The following CXXC1 variants were observed in gnomAD, a reference collection of about 807,000 sequenced individuals.
CXXC1 encodes CXXC-type zinc finger protein 1.
A neutral mutation model predicts 83.6 loss-of-function variants in CXXC1; 21 were observed. The observed-to-expected ratio is 0.25, with a 90% confidence interval of 0.18 to 0.36. The LOEUF (loss-of-function observed/expected upper bound fraction) is 0.36. Among genes scored for constraint, CXXC1 ranks in the 10% least tolerant of loss-of-function variants. The pLI is 1.00. For synonymous variants in CXXC1, 371 were observed against 337.5 expected (o/e 1.10, Z -1.09); for missense variants, 688 against 919.5 (o/e 0.75, Z 3.26).
intron 13 of CXXC1, 95 bp downstream of exon 13, chr18:50,283,170 G>A: frequency 7.5e-7 from 1 of 1,332,050 alleles, no homozygotes. Flanking sequence ...AGAGGAAAAA[G>A]TGAAGGAAAA....
intron 3 of CXXC1, 111 bp from the exon 4 acceptor site, chr18:50,286,368 C>T (rs1453374654): frequency 3.5e-6 from 4 of 1,148,824 alleles, no homozygotes; most frequent in Middle Eastern, 2.0e-4. Flanking sequence ...CTACTCTGCA[C>T]CCCTGTCCAG....
chr18:50,287,230 C>CTTTTTTAATGAT, intron 1 of CXXC1: 1 of 504,344 alleles, frequency 2.0e-6, no homozygotes, highest in South Asian at 2.5e-5. Context: ...CACCCGCACC[C>CTTTTTTAATGAT]ACCCCCAGTC....
In CXXC1 at chr18:50,286,523, C is replaced by G; in HGVS notation, c.223+16G>C. 1.2e-6 allele frequency: 2 copies of G among 1,608,402 alleles called. No homozygotes were observed. Among genetic ancestry groups the G allele is most frequent in the Non-Finnish European group, 1.7e-6 (2 of 1,174,896 alleles). On this transcript the variant is annotated intron_variant, in intron 3 of 14. Coordinates refer to ENST00000285106, the MANE Select transcript of CXXC1 (RefSeq NM_014593.4). ...TGAAGCCCCACCTGCCTTCCCTGTC[C>G]ATCCATGGCCCTCACCTCTGCACTC...
intron 3 of CXXC1, 108 bp downstream of exon 3, chr18:50,286,431 T>G: frequency 1.8e-6 from 2 of 1,107,358 alleles, no homozygotes; most frequent in Non-Finnish European, 2.7e-6. Context: ...TGGAGCCCCA[T>G]TCCAGCTCAC....
chr18:50,285,645 C>T lies in CXXC1; in HGVS notation c.639+104G>A. 1.4e-6 allele frequency: 2 copies of T among 1,408,144 alleles called. No individual in the cohort carries two copies. The highest frequency in any genetic ancestry group is 2.0e-6 in the Non-Finnish European group (2 of 1,024,824). The allele number at this position is 1,408,144 out of a possible 1,614,324, so 87.2% of individuals were successfully genotyped here. A position where few individuals can be genotyped will look rare whatever the true frequency, so the allele number is the denominator to read the frequency against. ...CCCTTCCCACCTGTCAGGATACAGT[C>T]AGGCCCAATCCCACCTGGTTTATCC... On this transcript the variant is annotated intron_variant, in intron 5 of 14. Transcript: ENST00000285106. The surrounding 1 kb of genome is among the most constrained non-coding windows in gnomAD (Gnocchi z 4.4).
chr18:50,283,851 G>A (rs745993010), intron 10 of CXXC1, 36 bp from the exon 11 acceptor site: 1 of 1,613,932 alleles, frequency 6.2e-7, no homozygotes, highest in Non-Finnish European at 8.5e-7. Flanking sequence ...GGCTGGGAAG[G>A]ACAAAGTACA....
chr18:50,282,950 C>T lies in CXXC1; in HGVS notation c.1728G>A (p.Thr576=), dbSNP rs147970151. The T allele has an allele frequency of 4.2e-5, 68 of 1,614,040 alleles. No homozygotes were observed. Among genetic ancestry groups the T allele is most frequent in the Admixed American group, 1.8e-4 (11 of 60,002 alleles). The change falls in exon 14 of 15, where the codon ACG becomes ACA. Residue 576 remains threonine, a synonymous_variant. Transcript: ENST00000285106. The surrounding 1 kb of genome is among the most constrained non-coding windows in gnomAD (Gnocchi z 5.8). Reference sequence around the variant, plus strand: ...GCTTGGGCAGGCGGCAGAAGTCACCCGTGAGCTCAAAGACATCACGTACAA... The same window carrying T: ...GCTTGGGCAGGCGGCAGAAGTCACCTGTGAGCTCAAAGACATCACGTACAA... ...CPLVRDVFEL[T]GDFCRLPKRQ... is the part of the protein sequence containing the mutation.
intron 9 of CXXC1, 125 bp from the exon 10 acceptor site, chr18:50,284,226 A>G: frequency 7.0e-7 from 1 of 1,432,736 alleles, no homozygotes; most frequent in Non-Finnish European, 9.5e-7. Context: ...GGATGGACAC[A>G]CGGGCAGGTG....
chr18:50,286,558 C>T lies in CXXC1; in HGVS notation c.204G>A (p.Trp68Ter). Residue 68 changes from tryptophan to a stop codon, truncating the protein, a stop_gained, in exon 3 of 15, where the codon TGG (tryptophan) becomes TGA (stop). Transcript: ENST00000285106. LOFTEE classifies it high-confidence loss of function. ...CCTCACCTCTGCACTCCCGACAGTA[C>T]CACTCCCGGATGGCCTTGGCCATCT... ...TEKMAKAIRE[W>*]YCRECREKDP... 1 of 1,614,086 alleles carries T rather than the reference C, an allele frequency of 6.2e-7. No individual in the cohort carries two copies.
chr18:50,282,588 G>A lies in CXXC1; in HGVS notation c.*5C>T, dbSNP rs1406181306. 2 of 1,607,396 alleles carry A rather than the reference G, an allele frequency of 1.2e-6. No individual in the cohort carries two copies. Among genetic ancestry groups the A allele is most frequent in the African/African-American group, 1.3e-5 (1 of 75,058 alleles). ...GCAGGGTGTAAGGGGTCCGGGCCAG[G>A]AGGCTCAGCGGTCGGCACTGGAGCG... On this transcript the variant is annotated 3_prime_UTR_variant, in exon 15 of 15. Transcript: ENST00000285106. This position sits in a 1 kb window ranked among gnomAD's most constrained non-coding sequence, Gnocchi z 5.8.
rs1599675812 is a variant in CXXC1 at position 50,286,537 on chromosome 18, A to C, written c.223+2T>G. 1.2e-6 allele frequency: 2 copies of C among 1,610,292 alleles called. No homozygotes were observed. Among genetic ancestry groups the C allele is most frequent in the African/African-American group, 1.4e-5 (1 of 73,818 alleles). On this transcript the variant is annotated splice_donor_variant, in intron 3 of 14. Coordinates refer to ENST00000285106, the MANE Select transcript of CXXC1 (RefSeq NM_014593.4). LOFTEE classifies it high-confidence loss of function. Reference sequence around the variant, plus strand: ...CCTTCCCTGTCCATCCATGGCCCTCACCTCTGCACTCCCGACAGTACCACT... The same window carrying C: ...CCTTCCCTGTCCATCCATGGCCCTCCCCTCTGCACTCCCGACAGTACCACT...
rs2040695661 is a variant in CXXC1, at chr18:50,285,277, G to A, written c.667-30C>T. 1 of 1,612,686 alleles carries A rather than the reference G, an allele frequency of 6.2e-7. No homozygotes were observed. The highest frequency in any genetic ancestry group is 8.5e-7 in the Non-Finnish European group (1 of 1,179,082). On this transcript the variant is annotated intron_variant, in intron 6 of 14. Transcript: ENST00000285106. This position sits in a 1 kb window ranked among gnomAD's most constrained non-coding sequence, Gnocchi z 4.4. ...AGGGCAGAATCTCAGGACTGGCCCT[G>A]ACCGCCCTGCCCGCATGCCCCACCC...
rs778764010 is a variant in CXXC1, at chr18:50,283,914, C to G, written c.1393G>C (p.Ala465Pro). ...EAIILRAKQQAVREDEESNEG... is the reference protein window; with the variant it reads ...EAIILRAKQQPVREDEESNEG... The stretch of plus-strand genomic sequence containing the variant: ...CTCACCTCCTCATCCTCGCGCACAG[C>G]CTGCTGCTTGGCACGTAGAATGATG... The change falls in exon 10 of 15, where the codon GCT becomes CCT. Residue 465 changes from alanine to proline, a missense_variant. Physicochemically the swap from Ala to Pro is conservative, Grantham distance 27. Coordinates refer to ENST00000285106, the MANE Select transcript of CXXC1 (RefSeq NM_014593.4). 3.1e-6 allele frequency: 5 copies of G among 1,613,954 alleles called. No individual in the cohort carries two copies. In the African/African-American group the frequency reaches 4.0e-5, roughly 13 times the overall value.
rs1310936350 is a variant in CXXC1, at chr18:50,286,078, C to A, written c.403G>T (p.Gly135Cys). 6.2e-7 allele frequency: 1 copy of A among 1,613,836 alleles called. No homozygotes were observed. The highest frequency in any genetic ancestry group is 8.5e-7 in the Non-Finnish European group (1 of 1,179,974). Reference protein sequence around the residue: ...GTGVGAMLARGSASPHKSSPQ... With the variant: ...GTGVGAMLARCSASPHKSSPQ... ...GAGGATTTGTGGGGCGAAGCAGAGC[C>A]CCGAGCAAGCATGGCCCCAACCCCT... Residue 135 changes from glycine to cysteine, a missense_variant, in exon 4 of 15, where the codon GGC becomes TGC. By Grantham distance (159) the Gly-to-Cys change is radical. Coordinates refer to ENST00000285106, the MANE Select transcript of CXXC1 (RefSeq NM_014593.4).
rs202100050 is a variant in CXXC1, at chr18:50,283,294, G to A, written c.1642C>T (p.Leu548=). The A allele has an allele frequency of 6.2e-7, 1 of 1,614,106 alleles. No homozygotes were observed. The highest frequency in any genetic ancestry group is 1.3e-5 in the African/African-American group (1 of 75,026). ...SKTYCKRLQV[L]CPEHSRDPKV... ...GGGTCCCGTGAGTGCTCGGGGCACA[G>A]CACCTGGAGCCGCTTACAGTATGTT... Residue 548 remains leucine, a synonymous_variant, in exon 13 of 15, where the codon CTG becomes TTG. Coordinates refer to ENST00000285106, the MANE Select transcript of CXXC1 (RefSeq NM_014593.4).
rs1190193549 is a variant in CXXC1, at chr18:50,285,632, G to A, written c.639+117C>T. The A allele has an allele frequency of 5.3e-6, 7 of 1,327,130 alleles. No individual in the cohort carries two copies. The highest frequency in any genetic ancestry group is 7.3e-6 in the Non-Finnish European group (7 of 956,988). 82.2% of individuals were successfully genotyped at this position (1,327,130 alleles called of 1,614,324 possible). On this transcript the variant is annotated intron_variant, in intron 5 of 14. Coordinates refer to ENST00000285106, the MANE Select transcript of CXXC1 (RefSeq NM_014593.4). This position sits in a 1 kb window ranked among gnomAD's most constrained non-coding sequence, Gnocchi z 4.4. ...GGACATGACAGGCCCCTTCCCACCTGTCAGGATACAGTCAGGCCCAATCCC... is the reference window on the plus strand; with the variant it reads ...GGACATGACAGGCCCCTTCCCACCTATCAGGATACAGTCAGGCCCAATCCC...
In CXXC1 at chr18:50,285,213, C is replaced by G. The variant is rs2040694384; in HGVS notation, c.701G>C (p.Arg234Thr). ...SPVTPSESLP[R>T]PRRPLPTQQQ... The stretch of plus-strand genomic sequence containing the variant: ...TTGGGTGGGCAGTGGCCGGCGGGGC[C>G]TTGGCAGGGACTCTGAGGGCGTCAC... The change falls in exon 7 of 15, where the codon AGG (arginine) becomes ACG (threonine). Residue 234 changes from arginine to threonine, a missense_variant. Around this residue, in one of 9 missense-constraint regions of CXXC1, gnomAD observed 190 missense variants for 199.7 expected, o/e 0.95. Coordinates refer to ENST00000285106, the MANE Select transcript of CXXC1 (RefSeq NM_014593.4). This position sits in a 1 kb window ranked among gnomAD's most constrained non-coding sequence, Gnocchi z 4.4. 6.2e-7 allele frequency: 1 copy of G among 1,614,094 alleles called. No homozygotes were observed. Among genetic ancestry groups the G allele is most frequent in the Non-Finnish European group, 8.5e-7 (1 of 1,180,040 alleles).
chr18:50,283,027 G>A, intron 13 of CXXC1, 21 bp from the exon 14 acceptor site: 1 of 1,613,136 alleles, frequency 6.2e-7, no homozygotes, highest in South Asian at 1.1e-5. Flanking sequence ...GCCAGGTTGG[G>A]GGGATGAATA....
At position 50,284,524 on chromosome 18, in the gene CXXC1, C is replaced by T; in HGVS notation, c.1059G>A (p.Lys353=). 2 of 1,597,104 alleles carry T rather than the reference C, an allele frequency of 1.3e-6. No individual in the cohort carries two copies. Among genetic ancestry groups the T allele is most frequent in the Non-Finnish European group, 1.7e-6 (2 of 1,170,940 alleles). ...CTGGGTGTTTCCATTTATCCTTGTGCTTCTGCTTCTGCCGATGCCGCTTGT... is the reference window on the plus strand; with the variant it reads ...CTGGGTGTTTCCATTTATCCTTGTGTTTCTGCTTCTGCCGATGCCGCTTGT... ...ERYKRHRQKQ[K]HKDKWKHPER... Residue 353 remains lysine, a synonymous_variant, in exon 9 of 15, where the codon AAG becomes AAA. Coordinates refer to ENST00000285106, the MANE Select transcript of CXXC1 (RefSeq NM_014593.4).
Sources: gnomAD v4.1 joint callset for allele counts on GRCh38, gnomAD v4.1.1 for gene constraint, gnomAD v4.1.1 regional missense constraint, Gnocchi (gnomAD v3.1) non-coding constraint, MANE v1.5 for transcripts, NCBI Gene and HGNC (gene_info 2026-07-23, HGNC 2026-07-21) for gene names.